FARS2: variants seen among roughly 807,000 people sequenced by gnomAD.
The protein encoded by FARS2 is phenylalanine--tRNA ligase, mitochondrial.
A neutral mutation model predicts 46.4 loss-of-function variants in FARS2; 40 were observed. That is an observed-to-expected ratio of 0.86 (90% confidence interval 0.67 to 1.12). The LOEUF is 1.12. Among genes scored for constraint, FARS2 ranks in the 50% most tolerant of loss-of-function variants. The pLI, the probability that FARS2 is intolerant of heterozygous loss-of-function variation, is 0.00. For synonymous variants in FARS2, 234 were observed against 214.9 expected (o/e 1.09, Z -0.78); for missense variants, 513 against 567.9 (o/e 0.90, Z 0.98).
intron 3 of FARS2, among the ~76,000 whole-genome samples, chr6:5,406,828 G>A (rs1761628708): frequency 6.6e-6 from 1 of 151,296 alleles, no homozygotes. Flanking sequence ...TATCTGAAGG[G>A]TTGCACCATC....
rs185024313 is a variant in FARS2, at chr6:5,475,053, A to G, written c.904+43881A>G. The stretch of plus-strand genomic sequence containing the variant: ...TACTTGGTGAACGACAGTGTACAGG[A>G]AGAACCATATACAAGGTGGAAATTG... On this transcript the variant is annotated intron_variant, in intron 4 of 6. Coordinates refer to ENST00000274680, the MANE Select transcript of FARS2 (RefSeq NM_006567.5). Among the ~76,000 whole-genome samples, 132 of 152,338 alleles carry G rather than the reference A, an allele frequency of 8.7e-4. 1 individual carries two copies. Among genetic ancestry groups the G allele is most frequent in the South Asian group, 2.3e-3 (11 of 4,830 alleles).
At chr6:5,539,694 G>C (rs1398209934) in intron 4 of FARS2, among the ~76,000 whole-genome samples, 1 of 152,044 alleles carries the variant, frequency 6.6e-6, no homozygotes, top group Non-Finnish European at 1.5e-5. Flanking sequence ...TGTGATTAAT[G>C]ACTTTAATTT....
intron 5 of FARS2, among the ~76,000 whole-genome samples, chr6:5,556,138 A>G (rs1276213974): frequency 4.6e-5 from 7 of 152,106 alleles, no homozygotes; most frequent in Non-Finnish European, 1.0e-4. Context: ...TCTGCTGACT[A>G]ATGCTTGAAA....
intron 2 of FARS2, among the ~76,000 whole-genome samples, chr6:5,378,506 C>G (rs1166176575): frequency 6.6e-6 from 1 of 152,200 alleles, no homozygotes; most frequent in Non-Finnish European, 1.5e-5. Context: ...GCTTCTCTTT[C>G]CAAGCTTCCC....
chr6:5,320,689 GTT>G (rs1000556214), intron 1 of FARS2, among the ~76,000 whole-genome samples: 2 of 152,196 alleles, frequency 1.3e-5, no homozygotes, highest in African/African-American at 4.8e-5. Flanking sequence ...TAAGACTTTA[GTT>G]TTCAGTGTCA....
chr6:5,757,658 A>G (rs1303856085), intron 6 of FARS2, among the ~76,000 whole-genome samples: 1 of 152,226 alleles, frequency 6.6e-6, no homozygotes, highest in African/African-American at 2.4e-5. Flanking sequence ...TTAAGAGCAT[A>G]GCTTTGGAGG....
At chr6:5,767,110 C>T (rs1762792909) in intron 6 of FARS2, among the ~76,000 whole-genome samples, 1 of 151,796 alleles carries the variant, frequency 6.6e-6, no homozygotes, top group African/African-American at 2.4e-5. Context: ...GGCTGGAGTG[C>T]AGTGGGGCGA....
rs575126876 is a variant in FARS2, at chr6:5,523,354, G to A, written c.905-21826G>A. ...AGAAGTAGGGCAAGGACAACAGAGG[G>A]CTTTTTTGACTGGTAGAGTTGGAAT... On this transcript the variant is annotated intron_variant, in intron 4 of 6. Coordinates refer to ENST00000274680, the MANE Select transcript of FARS2 (RefSeq NM_006567.5). Among the ~76,000 whole-genome samples the A allele has an allele frequency of 2.0e-5, 3 of 152,266 alleles. No individual in the cohort carries two copies. The East Asian group carries it at 5.8e-4, about 29-fold the overall frequency.
At chr6:5,369,222 A>T in intron 2 of FARS2, 40 bp downstream of exon 2, 6 of 1,581,454 alleles carry the variant, frequency 3.8e-6, no homozygotes, top group Non-Finnish European at 5.1e-6. Context: ...AGGATGTCAT[A>T]GACATTTTAT....
At chr6:5,446,508 G>C (rs1311637193) in intron 4 of FARS2, among the ~76,000 whole-genome samples, 1 of 152,162 alleles carries the variant, frequency 6.6e-6, no homozygotes, top group Admixed American at 6.5e-5. Context: ...TATGGATGTA[G>C]AGAGGTGGTT....
chr6:5,676,495 A>G lies in FARS2; in HGVS notation c.1217+63175A>G, dbSNP rs192676902. Among the ~76,000 whole-genome samples the G allele has an allele frequency of 2.3e-3, 349 of 152,332 alleles. 1 individual carries two copies. Among genetic ancestry groups the G allele is most frequent in the Non-Finnish European group, 3.8e-3 (259 of 68,024 alleles). The stretch of plus-strand genomic sequence containing the variant: ...CTGGGATCTGCTTTAATTCTCAATA[A>G]CATTCAAATAAAACCATTGCAAAGA... On this transcript the variant is annotated intron_variant, in intron 6 of 6. Coordinates refer to ENST00000274680, the MANE Select transcript of FARS2 (RefSeq NM_006567.5).
chr6:5,729,563 T>C (rs367578639), intron 6 of FARS2, among the ~76,000 whole-genome samples: 3 of 152,320 alleles, frequency 2.0e-5, no homozygotes, highest in African/African-American at 7.2e-5. Context: ...TTTATGCTCA[T>C]TGTATTTTTC....
At chr6:5,609,590 T>C (rs1398979589) in intron 5 of FARS2, 1 of 1,278,556 alleles carries the variant, frequency 7.8e-7, no homozygotes, top group Non-Finnish European at 1.1e-6. Flanking sequence ...CACCAAAGTT[T>C]CCAGAACCAC....
intron 1 of FARS2, among the ~76,000 whole-genome samples, chr6:5,344,908 A>T (rs1386500850): frequency 2.7e-5 from 4 of 150,180 alleles, no homozygotes; most frequent in Admixed American, 6.6e-5. Context: ...TCCTGCCTCA[A>T]CCTCCCGGGT....
chr6:5,591,983 A>G (rs1281741370), intron 5 of FARS2, among the ~76,000 whole-genome samples: 2 of 152,236 alleles, frequency 1.3e-5, no homozygotes, highest in Admixed American at 1.3e-4. Context: ...TAATGAGTCA[A>G]GAGAAAAGGA....
intron 1 of FARS2, among the ~76,000 whole-genome samples, chr6:5,289,036 GCA>G (rs1767324542): frequency 6.6e-6 from 1 of 152,136 alleles, no homozygotes; most frequent in African/African-American, 2.4e-5. Flanking sequence ...TTCACAATCA[GCA>G]TGCCCTTAGA....
At chr6:5,599,506 T>G (rs542167247) in intron 5 of FARS2, among the ~76,000 whole-genome samples, 169 of 152,348 alleles carry the variant, frequency 1.1e-3, no homozygotes, top group African/African-American at 3.8e-3. Context: ...GTTCTGAAGA[T>G]GAGATAGAGA....
intron 6 of FARS2, among the ~76,000 whole-genome samples, chr6:5,751,596 G>A (rs1468235340): frequency 6.6e-6 from 1 of 152,158 alleles, no homozygotes; most frequent in Non-Finnish European, 1.5e-5. Flanking sequence ...GGCTTTTGGA[G>A]TAAATGCTTT....
chr6:5,297,479 C>G (rs1173233012), intron 1 of FARS2, among the ~76,000 whole-genome samples: 1 of 152,146 alleles, frequency 6.6e-6, no homozygotes, highest in Non-Finnish European at 1.5e-5. Context: ...GAAACCTCAT[C>G]TCTACTAAAA....
Sources: allele counts gnomAD v4.1 joint callset (sites outside exome capture counted in the v4.1 genomes callset), GRCh38; gene constraint gnomAD v4.1.1; transcripts MANE v1.5; gene names NCBI Gene and HGNC (gene_info 2026-07-23, HGNC 2026-07-21).